Variants in ZNF564 observed in about 807,000 individuals in gnomAD.
ZNF564 encodes the protein zinc finger protein 564.
Under a neutral mutation model 10.5 loss-of-function variants are expected in ZNF564, and 5 were observed. The observed-to-expected ratio is 0.48, with a 90% CI of 0.25 to 1.00. The LOEUF (loss-of-function observed/expected upper bound fraction) is 1.00. Ranked by LOEUF, ZNF564 falls within the 50% of genes least tolerant of loss-of-function variation. The pLI, the probability that ZNF564 is intolerant of heterozygous loss-of-function variation, is 0.16. For synonymous variants in ZNF564, 242 were observed against 218.1 expected (o/e 1.11, Z -0.97); for missense variants, 603 against 669.7 (o/e 0.90, Z 1.10).
At chr19:12,546,941 A>C (rs746373333) in intron 1 of ZNF564, among the ~76,000 whole-genome samples, 24 of 152,044 alleles carry the variant, frequency 1.6e-4, no homozygotes, top group Non-Finnish European at 3.2e-4. Flanking sequence ...TTTATAAACC[A>C]TCCTAAAAAC....
chr19:12,543,713 CA>C (rs1225888688), intron 1 of ZNF564, among the ~76,000 whole-genome samples: 3 of 148,434 alleles, frequency 2.0e-5, no homozygotes, highest in African/African-American at 7.4e-5. Context: ...AAATAGGACT[CA>C]AATATCTAAA....
intron 1 of ZNF564, among the ~76,000 whole-genome samples, chr19:12,538,667 G>A (rs930123103): frequency 5.3e-5 from 8 of 151,344 alleles, no homozygotes; most frequent in South Asian, 2.1e-4. Flanking sequence ...TTAACTAGTC[G>A]AGTGTGGTGG....
rs1346369168 is a variant in ZNF564, at chr19:12,526,953, T to C, written c.1155A>G (p.Ile385Met). ...ISLPSVRRHM[I>M]KHTGDGPYKC... ...TATAAGGTCCATCTCCAGTGTGCTT[T>C]ATCATGTGTCTTCGGACACTTGGGA... Residue 385 changes from isoleucine to methionine, a missense_variant, in exon 4 of 4, where the codon ATA (isoleucine) becomes ATG (methionine). Physicochemically the swap from Ile to Met is conservative, Grantham distance 10 (BLOSUM62 1). Transcript: ENST00000339282. 6.2e-7 allele frequency: 1 copy of C among 1,610,650 alleles called. No homozygotes were observed.
chr19:12,545,277 A>G (rs569432335), intron 1 of ZNF564, among the ~76,000 whole-genome samples: 31 of 151,656 alleles, frequency 2.0e-4, no homozygotes, highest in South Asian at 6.3e-4. Flanking sequence ...AAAAAAAAAA[A>G]AAAAAGAAAT....
intron 1 of ZNF564, among the ~76,000 whole-genome samples, chr19:12,544,036 C>T (rs978134208): frequency 6.6e-6 from 1 of 152,166 alleles, no homozygotes; most frequent in Non-Finnish European, 1.5e-5. Flanking sequence ...AGCACTTGAA[C>T]TTGGACTTCC....
At position 12,527,958 on chromosome 19, in the gene ZNF564, A is replaced by G. The variant is rs536922321; in HGVS notation, c.192-42T>C. On this transcript the variant is annotated intron_variant, in intron 3 of 3. Coordinates refer to ENST00000339282, the MANE Select transcript of ZNF564 (RefSeq NM_144976.4). ...GCAAGATTTAGTGGTTTGTGACTTT[A>G]TATTTATTAATAGGTATTCGACTTA... 1.5e-5 allele frequency: 23 copies of G among 1,526,186 alleles called. No individual in the cohort carries two copies. The South Asian group carries it at 2.1e-4, about 14-fold the overall frequency. 94.5% of individuals were successfully genotyped at this position (1,526,186 alleles called of 1,614,324 possible).
rs57611686 is a variant in ZNF564, at chr19:12,543,673, C to CAAA, written c.3+7654_3+7656dup. Among the ~76,000 whole-genome samples the CAAA allele has an allele frequency of 6.3e-3, 382 of 60,358 alleles. 1 individual carries two copies. Among genetic ancestry groups the CAAA allele is most frequent in the African/African-American group, 0.011 (156 of 13,844 alleles). The allele number at this position is 60,358 out of a possible 152,430, so 39.6% of individuals were successfully genotyped here. ...GGGGCAACAAAGCGAGACTTCGTCT[C>CAAA]AAAAAAAAAAAAAAAAAAAAAAACA... On this transcript the variant is annotated intron_variant, in intron 1 of 3. Transcript: ENST00000339282.
chr19:12,526,851 T>C lies in ZNF564; in HGVS notation c.1257A>G (p.Lys419=). Reference sequence around the variant, plus strand: ...TCCCACATACCTGACATTCATAGGGTTTCTCTCCAGTGTGAGTTCTTTCGT... The same window carrying C: ...TCCCACATACCTGACATTCATAGGGCTTCTCTCCAGTGTGAGTTCTTTCGT... The part of the protein sequence containing the change: ...QIHERTHTGE[K]PYECQVCGKA... The change falls in exon 4 of 4, where the codon AAA becomes AAG. Residue 419 remains lysine, a synonymous_variant. Coordinates refer to ENST00000339282, the MANE Select transcript of ZNF564 (RefSeq NM_144976.4). 6.2e-7 allele frequency: 1 copy of C among 1,613,754 alleles called. No homozygotes were observed. The highest frequency in any genetic ancestry group is 8.5e-7 in the Non-Finnish European group (1 of 1,179,924).
At chr19:12,548,135 C>T in intron 1 of ZNF564, 3 of 980,754 alleles carry the variant, frequency 3.1e-6, no homozygotes, top group African/African-American at 1.7e-5. Context: ...AGAAAATATC[C>T]TGTGTTTGAA....
chr19:12,542,512 T>C (rs949978244), intron 1 of ZNF564, among the ~76,000 whole-genome samples: 1 of 151,794 alleles, frequency 6.6e-6, no homozygotes, highest in Non-Finnish European at 1.5e-5. Flanking sequence ...TCCCAGCTAC[T>C]CAGGAGGTTG....
At chr19:12,551,254 T>G in intron 1 of ZNF564, 76 bp downstream of exon 1, 1 of 1,511,612 alleles carries the variant, frequency 6.6e-7, no homozygotes, top group East Asian at 2.4e-5. Flanking sequence ...GAGGCCAGGG[T>G]GCTTCCACAG....
intron 1 of ZNF564, 91 bp from the exon 2 acceptor site, chr19:12,528,787 G>A: frequency 1.4e-6 from 2 of 1,421,732 alleles, no homozygotes; most frequent in Non-Finnish European, 1.9e-6. Context: ...CAAATGGCTA[G>A]GTGTGGTGGC....
intron 1 of ZNF564, among the ~76,000 whole-genome samples, chr19:12,542,824 T>C (rs2022083242): frequency 6.6e-6 from 1 of 150,718 alleles, no homozygotes; most frequent in Non-Finnish European, 1.5e-5. Context: ...ACCAACATAG[T>C]GAAACTCTGT....
At chr19:12,535,737 C>T (rs986649395) in intron 1 of ZNF564, among the ~76,000 whole-genome samples, 4 of 151,866 alleles carry the variant, frequency 2.6e-5, no homozygotes, top group East Asian at 1.9e-4. Flanking sequence ...GCAAACTGGC[C>T]GGGTGCGGTG....
intron 1 of ZNF564, among the ~76,000 whole-genome samples, chr19:12,538,565 C>T (rs545013169): frequency 1.3e-5 from 2 of 152,112 alleles, no homozygotes; most frequent in South Asian, 2.1e-4. Context: ...GCGGAGGTTG[C>T]AGTGAGCCAA....
chr19:12,542,878 T>C (rs1053977671), intron 1 of ZNF564, among the ~76,000 whole-genome samples: 2 of 152,022 alleles, frequency 1.3e-5, no homozygotes, highest in Middle Eastern at 3.2e-3. Flanking sequence ...TGGCACATCC[T>C]GTAGTCCCAG....
chr19:12,536,025 A>G (rs1424289529), intron 1 of ZNF564, among the ~76,000 whole-genome samples: 1 of 152,070 alleles, frequency 6.6e-6, no homozygotes, highest in Non-Finnish European at 1.5e-5. Context: ...AAAAAAAAAA[A>G]AAATAGGGCA....
intron 1 of ZNF564, among the ~76,000 whole-genome samples, chr19:12,533,727 C>CAAAAAAAAAAAAAAAAAAAAAAAAAAA (rs59631972): frequency 1.0e-4 from 3 of 29,182 alleles, no homozygotes; most frequent in African/African-American, 1.7e-4. Context: ...CTGCTGTCTC[C>CAAAAAAAAAAAAAAAAAAAAAAAAAAA]AAAAAAAAAA....
chr19:12,535,970 G>A (rs556894399), intron 1 of ZNF564, among the ~76,000 whole-genome samples: 2 of 148,288 alleles, frequency 1.3e-5, no homozygotes, highest in African/African-American at 5.0e-5. Flanking sequence ...CTGAGACTGT[G>A]CGACTGCATT....
Sources: gnomAD v4.1 joint callset for allele counts (sites outside exome capture counted in the v4.1 genomes callset) on GRCh38, gnomAD v4.1.1 for gene constraint, MANE v1.5 for transcripts, NCBI Gene and HGNC (gene_info 2026-07-23, HGNC 2026-07-21) for gene names.